The following GALNT8 variants were observed in gnomAD, a reference collection of about 807,000 sequenced individuals.
GALNT8 encodes probable polypeptide N-acetylgalactosaminyltransferase 8.
A neutral mutation model predicts 62.7 loss-of-function variants in GALNT8; 66 were observed. The observed-to-expected ratio is 1.05, with a 90% CI of 0.86 to 1.29. The LOEUF is 1.29. GALNT8 is among the 50% of genes most tolerant of loss of function. The pLI, the probability that GALNT8 is intolerant of heterozygous loss-of-function variation, is 0.00. For synonymous variants in GALNT8, 288 were observed against 294.3 expected (o/e 0.98, Z 0.22); for missense variants, 771 against 791.8 (o/e 0.97, Z 0.32).
intron 6 of GALNT8, among the ~76,000 whole-genome samples, chr12:4,755,123 A>C (rs867129947): frequency 6.6e-6 from 1 of 152,134 alleles, no homozygotes; most frequent in Non-Finnish European, 1.5e-5. Context: ...AGGTTGTGTG[A>C]CCTGCCTCCC....
chr12:4,726,935 A>G lies in GALNT8; in HGVS notation c.509+106A>G. ...TGGGGGAGTGGGGGATTGTTGGGGAAGGGGTTCAGGCTGAGCAAAGTTGTT... is the reference window on the plus strand; with the variant it reads ...TGGGGGAGTGGGGGATTGTTGGGGAGGGGGTTCAGGCTGAGCAAAGTTGTT... On this transcript the variant is annotated intron_variant, in intron 2 of 10. Coordinates refer to ENST00000252318, the MANE Select transcript of GALNT8 (RefSeq NM_017417.2). This position sits in a 1 kb window ranked among gnomAD's most constrained non-coding sequence, Gnocchi z 4.1. 1.1e-6 allele frequency: 1 copy of G among 942,640 alleles called. No homozygotes were observed. The highest frequency in any genetic ancestry group is 1.6e-5 in the African/African-American group (1 of 60,978). The allele number at this position is 942,640 out of a possible 1,614,324, so 58.4% of individuals were successfully genotyped here.
At chr12:4,720,935 G>A in intron 1 of GALNT8, 47 bp downstream of exon 1, 2 of 1,175,876 alleles carry the variant, frequency 1.7e-6, no homozygotes, top group South Asian at 2.4e-5. Context: ...GGGTGTGTGT[G>A]TTTGGGGCAC....
Position 4,763,264 on chromosome 12 carries a change from A to C in GALNT8, c.1371A>C (p.Ile457=). The C allele has an allele frequency of 6.2e-7, 1 of 1,612,606 alleles. No homozygotes were observed. Among genetic ancestry groups the C allele is most frequent in the African/African-American group, 1.3e-5 (1 of 74,998 alleles). ...CGTTTTATTTACAGAACTCTGGAAT[A>C]GATTTTGGAGACGTTTCTTCCAGAA... is the stretch of plus-strand genomic sequence containing the variant. ...AWNIPLQNSG[I]DFGDVSSRMA... The change falls in exon 8 of 11, where the codon ATA becomes ATC. Residue 457 remains isoleucine (I), a synonymous_variant. Coordinates refer to ENST00000252318, the MANE Select transcript of GALNT8 (RefSeq NM_017417.2).
intron 3 of GALNT8, among the ~76,000 whole-genome samples, chr12:4,743,691 ACT>A (rs960150314): frequency 2.0e-5 from 3 of 151,558 alleles, no homozygotes; most frequent in African/African-American, 7.3e-5. Context: ...AGTTTTTAAA[ACT>A]CTTTGTGCCT....
At chr12:4,765,576 G>C in intron 10 of GALNT8, 30 bp downstream of exon 10, 3 of 1,554,680 alleles carry the variant, frequency 1.9e-6, no homozygotes, top group Non-Finnish European at 2.6e-6. Context: ...TTGTTGGTTT[G>C]TTTGTTTTGT....
intron 6 of GALNT8, 138 bp downstream of exon 6, chr12:4,746,396 T>G: frequency 1.6e-6 from 1 of 636,998 alleles, no homozygotes; most frequent in South Asian, 1.9e-5. Flanking sequence ...TCTAGGCAAC[T>G]GGGCCAAGGA....
At chr12:4,759,835 C>T (rs1946363587) in intron 6 of GALNT8, among the ~76,000 whole-genome samples, 1 of 152,120 alleles carries the variant, frequency 6.6e-6, no homozygotes, top group African/African-American at 2.4e-5. Flanking sequence ...AGAGAAGACA[C>T]AGGAGACATC....
intron 5 of GALNT8, 64 bp downstream of exon 5, chr12:4,745,690 A>G: frequency 8.1e-7 from 1 of 1,233,282 alleles, no homozygotes; most frequent in South Asian, 1.2e-5. Flanking sequence ...AACTGAATGG[A>G]TTTTGTTTAT....
chr12:4,766,590 G>A (rs1455964478), intron 10 of GALNT8, among the ~76,000 whole-genome samples: 1 of 152,130 alleles, frequency 6.6e-6, no homozygotes, highest in Non-Finnish European at 1.5e-5. Context: ...AGGGAATCTG[G>A]CAGAATTCAT....
Position 4,744,729 on chromosome 12 carries a change from G to A in GALNT8, c.860+29G>A, listed in dbSNP as rs779257503. 6.6e-6 allele frequency: 10 copies of A among 1,515,134 alleles called. No homozygotes were observed. In the African/African-American group the frequency reaches 1.2e-4, roughly 19 times the overall value. 93.9% of individuals were successfully genotyped at this position (1,515,134 alleles called of 1,614,324 possible). A position where few individuals can be genotyped will look rare whatever the true frequency, so the allele number is the denominator to read the frequency against. On this transcript the variant is annotated intron_variant, in intron 4 of 10. Transcript: ENST00000252318. The stretch of plus-strand genomic sequence containing the variant: ...AGGCTCAAAGAGGCTAGTTCTTCTG[G>A]AAAGGGCAGAGAGGAGATATTGTGC...
chr12:4,754,157 G>A (rs1197989398), intron 6 of GALNT8, among the ~76,000 whole-genome samples: 1 of 152,048 alleles, frequency 6.6e-6, no homozygotes, highest in East Asian at 1.9e-4. Flanking sequence ...ACAGAACTGG[G>A]TCTCACTCAA....
intron 2 of GALNT8, among the ~76,000 whole-genome samples, chr12:4,727,055 G>C (rs1274303747): frequency 6.6e-6 from 1 of 152,184 alleles, no homozygotes; most frequent in Non-Finnish European, 1.5e-5. Flanking sequence ...TGTCAGAGGA[G>C]CAGAGGTCCT....
chr12:4,728,214 AT>A (rs35083515), intron 2 of GALNT8, among the ~76,000 whole-genome samples: 116,975 of 149,804 alleles, frequency 0.78, 45,896 homozygotes, highest in Non-Finnish European at 0.82. Context: ...AAATTGGCTT[AT>A]TTTTTTTTTT....
At chr12:4,740,167 G>A (rs140358392) in intron 3 of GALNT8, among the ~76,000 whole-genome samples, 69 of 152,238 alleles carry the variant, frequency 4.5e-4, no homozygotes, top group African/African-American at 1.6e-3. Flanking sequence ...CAGGGTGCCC[G>A]TGCCCCGAGT....
intron 6 of GALNT8, among the ~76,000 whole-genome samples, chr12:4,753,080 C>T (rs191036655): frequency 2.0e-4 from 31 of 152,272 alleles, no homozygotes; most frequent in African/African-American, 7.5e-4. Flanking sequence ...CCTCTTGCTG[C>T]TTTTAGCATC....
chr12:4,755,928 G>A (rs1435032845), intron 6 of GALNT8, among the ~76,000 whole-genome samples: 1 of 152,190 alleles, frequency 6.6e-6, no homozygotes, highest in African/African-American at 2.4e-5. Flanking sequence ...TGGGGCTCAG[G>A]CAAATGTGGG....
In GALNT8 at chr12:4,746,260, TG is replaced by T. The variant is rs1946299299; in HGVS notation, c.1173+5del. The T allele has an allele frequency of 1.3e-6, 2 of 1,512,394 alleles. No homozygotes were observed. Among genetic ancestry groups the T allele is most frequent in the South Asian group, 2.2e-5 (2 of 89,190 alleles). The allele number at this position is 1,512,394 out of a possible 1,614,324, so 93.7% of individuals were successfully genotyped here. A position where few individuals can be genotyped will look rare whatever the true frequency, so the allele number is the denominator to read the frequency against. ...GAGAACGTGGAGCTTAGCCTGAGGGTGGGTACATTTCCCTTTTCTTTATGGG... is the reference window on the plus strand; with the variant it reads ...GAGAACGTGGAGCTTAGCCTGAGGGTGGTACATTTCCCTTTTCTTTATGGG... On this transcript the variant is annotated splice_donor_region_variant and intron_variant, in intron 6 of 10. Transcript: ENST00000252318.
chr12:4,767,210 T>C (rs1946404049), intron 10 of GALNT8, among the ~76,000 whole-genome samples: 1 of 152,146 alleles, frequency 6.6e-6, no homozygotes, highest in Admixed American at 6.5e-5. Context: ...GGGTGGTTCC[T>C]CTAATTGCTC....
At chr12:4,771,337 C>G (rs1291566408) in intron 10 of GALNT8, among the ~76,000 whole-genome samples, 1 of 152,060 alleles carries the variant, frequency 6.6e-6, no homozygotes, top group Non-Finnish European at 1.5e-5. Flanking sequence ...GAATCTGAAG[C>G]GTTGCCCTGA....
Sources: allele counts gnomAD v4.1 joint callset (sites outside exome capture counted in the v4.1 genomes callset), GRCh38; gene constraint gnomAD v4.1.1; non-coding constraint Gnocchi (gnomAD v3.1); transcripts MANE v1.5; gene names NCBI Gene and HGNC (gene_info 2026-07-23, HGNC 2026-07-21).